Variants in ANO7 observed in about 807,000 individuals in gnomAD.
ANO7 encodes anoctamin 7.
Under a neutral mutation model 115.8 loss-of-function variants are expected in ANO7, and 114 were observed. The observed-to-expected ratio is 0.98, with a 90% CI of 0.85 to 1.15. The LOEUF is 1.15. Ranked by LOEUF, ANO7 falls within the 50% of genes most tolerant of loss-of-function variation. The pLI, the probability that ANO7 is intolerant of heterozygous loss-of-function variation, is 0.00. For synonymous variants in ANO7, 550 were observed against 498.2 expected (o/e 1.10, Z -1.38); for missense variants, 1,302 against 1,201.2 (o/e 1.08, Z -1.24).
the ANO7 span, chr2:241,235,959 T>G: frequency 8.7e-6 from 2 of 230,238 alleles, no homozygotes; most frequent in Non-Finnish European, 1.7e-5. Context: ...ACTACTCACC[T>G]TCCCTGCCCT....
chr2:241,223,990 C>G, intron 24 of ANO7, 35 bp downstream of exon 24: 1 of 1,613,914 alleles, frequency 6.2e-7, no homozygotes, highest in Non-Finnish European at 8.5e-7. Context: ...CTGCCCCGTG[C>G]ACTCCCTGAG....
At position 241,223,771 on chromosome 2, in the gene ANO7, C is replaced by G; in HGVS notation, c.2522C>G (p.Ala841Gly). The change falls in exon 23 of 25, where the codon GCT becomes GGT. Residue 841 changes from alanine to glycine, a missense_variant. Transcript: ENST00000674324. Reference sequence around the variant, plus strand: ...TACTACCTGGCTAAGCAGGCACTGGCTGAGAATGAGGTGAACTGTACAGCC... The same window carrying G: ...TACTACCTGGCTAAGCAGGCACTGGGTGAGAATGAGGTGAACTGTACAGCC... ...REYYLAKQAL[A>G]ENEVLFGTNG... 6.2e-7 allele frequency: 1 copy of G among 1,614,228 alleles called. No homozygotes were observed. The highest frequency in any genetic ancestry group is 1.1e-5 in the South Asian group (1 of 91,086).
intron 9 of ANO7, among the ~76,000 whole-genome samples, chr2:241,204,166 A>G (rs998217267): frequency 2.6e-5 from 4 of 152,314 alleles, no homozygotes; most frequent in African/African-American, 9.6e-5. Context: ...TCACCCGGCC[A>G]TCTCAGGACC....
chr2:241,230,942 G>C (rs767862448), downstream of ANO7: 1 of 1,611,898 alleles, frequency 6.2e-7, no homozygotes, highest in Non-Finnish European at 8.5e-7. This position sits in a 1 kb window ranked among gnomAD's most constrained non-coding sequence, Gnocchi z 5.0. Context: ...TTTGGTCCTG[G>C]GGCTAAAAAA....
the ANO7 span, chr2:241,235,416 G>A: frequency 2.0e-6 from 3 of 1,463,460 alleles, no homozygotes; most frequent in Non-Finnish European, 2.9e-6. Flanking sequence ...AGGAAGTTGA[G>A]AAAGGACACT....
intron 4 of ANO7, 177 bp from the exon 5 acceptor site, chr2:241,199,139 G>T: frequency 1.6e-6 from 1 of 610,288 alleles, no homozygotes; most frequent in Non-Finnish European, 2.9e-6. Flanking sequence ...GGCCCGGTTG[G>T]CTTTCAGAGG....
At chr2:241,216,413 CT>C (rs2068829729) in intron 19 of ANO7, among the ~76,000 whole-genome samples, 175 bp downstream of exon 19, 1 of 152,254 alleles carries the variant, frequency 6.6e-6, no homozygotes, top group Non-Finnish European at 1.5e-5. Flanking sequence ...GAAAGGAATT[CT>C]TTTCCCCTGA....
rs1448782493 is a variant in ANO7, at chr2:241,203,076, T to A, written c.724-257T>A. ...GCCACTGGCTTCTCTCAGGGTGGCCTCTCCAGGCCCTTCCCCGCCCTGAAC... is the reference window on the plus strand; with the variant it reads ...GCCACTGGCTTCTCTCAGGGTGGCCACTCCAGGCCCTTCCCCGCCCTGAAC... On this transcript the variant is annotated intron_variant, in intron 8 of 24. Transcript: ENST00000674324. The surrounding 1 kb of genome is among the most constrained non-coding windows in gnomAD (Gnocchi z 4.8). 6.6e-6 allele frequency among the ~76,000 whole-genome samples: 1 copy of A among 152,054 alleles called. No homozygotes were observed.
At chr2:241,213,824 A>G (rs2068766142) in intron 17 of ANO7, among the ~76,000 whole-genome samples, 1 of 152,212 alleles carries the variant, frequency 6.6e-6, no homozygotes, top group Admixed American at 6.5e-5. Flanking sequence ...AGCCAGCCCA[A>G]CTGCAAAGTG....
intron 14 of ANO7, 30 bp from the exon 15 acceptor site, chr2:241,210,438 A>C: frequency 6.2e-7 from 1 of 1,613,688 alleles, no homozygotes; most frequent in South Asian, 1.1e-5. Flanking sequence ...GCGGCCCCTC[A>C]TCCGGCTCTG....
chr2:241,209,451 C>T (rs200327000), intron 12 of ANO7, 23 bp downstream of exon 12: 677 of 1,598,944 alleles, frequency 4.2e-4, no homozygotes, highest in South Asian at 9.7e-4. Flanking sequence ...CGCTGGACCA[C>T]GGTCACACCC....
At chr2:241,197,012 G>A (rs1415047346) in intron 4 of ANO7, among the ~76,000 whole-genome samples, 1 of 152,190 alleles carries the variant, frequency 6.6e-6, no homozygotes, top group Non-Finnish European at 1.5e-5. Context: ...CCCTTGCTCT[G>A]TATCTTCTCA....
intron 17 of ANO7, among the ~76,000 whole-genome samples, chr2:241,214,064 A>T (rs1363148014): frequency 6.6e-6 from 1 of 152,210 alleles, no homozygotes; most frequent in Non-Finnish European, 1.5e-5. Context: ...AGGCAGGTGG[A>T]TCATGAGGTC....
the ANO7 span, chr2:241,233,884 A>G: frequency 6.2e-7 from 1 of 1,614,178 alleles, no homozygotes; most frequent in Non-Finnish European, 8.5e-7. The surrounding 1 kb of genome is among the most constrained non-coding windows in gnomAD (Gnocchi z 4.3). Context: ...GATTTGGGTA[A>G]TTACTGCCCC....
At chr2:241,222,468 G>A (rs1381810783) in intron 21 of ANO7, among the ~76,000 whole-genome samples, 2 of 151,850 alleles carry the variant, frequency 1.3e-5, no homozygotes, top group African/African-American at 2.4e-5. Flanking sequence ...TGGTCTCGTC[G>A]TCACTGTCTC....
chr2:241,215,163 AG>A (rs1313731329), intron 18 of ANO7, among the ~76,000 whole-genome samples: 1 of 152,174 alleles, frequency 6.6e-6, no homozygotes, highest in East Asian at 1.9e-4. Context: ...TTGGCTGGGG[AG>A]GGGGTCTGGG....
intron 19 of ANO7, among the ~76,000 whole-genome samples, chr2:241,216,962 T>A (rs1288767882): frequency 6.6e-6 from 1 of 151,904 alleles, no homozygotes; most frequent in Non-Finnish European, 1.5e-5. Context: ...GCCTCCCGAG[T>A]AGCTGGGATT....
intron 18 of ANO7, 68 bp from the exon 19 acceptor site, chr2:241,216,025 C>G: frequency 2.0e-6 from 3 of 1,529,334 alleles, no homozygotes; most frequent in Non-Finnish European, 2.6e-6. Flanking sequence ...ACATCTCCCC[C>G]AAGGACTATA....
intron 21 of ANO7, 146 bp downstream of exon 21, chr2:241,218,527 C>G: frequency 1.6e-6 from 1 of 627,260 alleles, no homozygotes; most frequent in Non-Finnish European, 2.2e-6. Flanking sequence ...GCTGGGGGCG[C>G]CGTGGGCAGG....
Sources: gnomAD v4.1 joint callset for allele counts (sites outside exome capture counted in the v4.1 genomes callset) on GRCh38, gnomAD v4.1.1 for gene constraint, Gnocchi (gnomAD v3.1) non-coding constraint, MANE v1.5 for transcripts, NCBI Gene and HGNC (gene_info 2026-07-23, HGNC 2026-07-21) for gene names.